The following FOXP1 variants were observed in gnomAD, a reference collection of about 807,000 sequenced individuals.
FOXP1 encodes forkhead box P1, also known as forkhead box protein P1.
In FOXP1, 15 loss-of-function variants were observed where a neutral mutation model predicts 98.2. That is an observed-to-expected ratio of 0.15 (90% CI 0.10 to 0.24). FOXP1 has a LOEUF of 0.24. FOXP1 is among the 10% of genes least tolerant of loss of function. The pLI is 1.00. For missense variants in FOXP1, 633 were observed against 848.5 expected (o/e 0.75, Z 3.15); for synonymous variants, 371 against 314.5 (o/e 1.18, Z -1.90).
intron 6 of FOXP1, among the ~76,000 whole-genome samples, chr3:71,162,593 AC>A (rs2061193478): frequency 6.6e-6 from 1 of 152,202 alleles, no homozygotes; most frequent in African/African-American, 2.4e-5. Flanking sequence ...CAAGGTCCCC[AC>A]CTTATTGGAA....
chr3:71,188,419 C>CTT (rs1218204951), intron 6 of FOXP1, among the ~76,000 whole-genome samples: 1 of 142,174 alleles, frequency 7.0e-6, no homozygotes. Context: ...TTTTTTTTTC[C>CTT]TTTTTTTTTT....
At chr3:71,066,994 C>G (rs922878718) in intron 7 of FOXP1, among the ~76,000 whole-genome samples, 2 of 152,076 alleles carry the variant, frequency 1.3e-5, no homozygotes, top group East Asian at 1.9e-4. Flanking sequence ...CTAAATTGCA[C>G]GGTGGTGGCT....
chr3:71,365,957 G>A (rs758552348), intron 3 of FOXP1, among the ~76,000 whole-genome samples: 2 of 152,138 alleles, frequency 1.3e-5, no homozygotes, highest in African/African-American at 2.4e-5. Flanking sequence ...TGGCGACAGG[G>A]CAAGACTCCA....
chr3:71,536,886 G>A (rs910006590), intron 2 of FOXP1, among the ~76,000 whole-genome samples: 9 of 152,086 alleles, frequency 5.9e-5, no homozygotes, highest in African/African-American at 2.2e-4. Context: ...TTTCCCCAGT[G>A]GCAACACATG....
intron 5 of FOXP1, among the ~76,000 whole-genome samples, chr3:71,278,607 C>T (rs143713428): frequency 1.3e-5 from 2 of 151,478 alleles, no homozygotes; most frequent in Non-Finnish European, 2.9e-5. Flanking sequence ...ATGGTGAAAC[C>T]CCATCTCTAC....
chr3:71,287,601 G>A (rs1223827040), intron 5 of FOXP1, among the ~76,000 whole-genome samples: 5 of 152,088 alleles, frequency 3.3e-5, no homozygotes, highest in Non-Finnish European at 5.9e-5. Context: ...CAAACATGGC[G>A]AAACCCTGTC....
At chr3:71,523,800 G>A (rs2043167029) in intron 2 of FOXP1, among the ~76,000 whole-genome samples, 1 of 152,142 alleles carries the variant, frequency 6.6e-6, no homozygotes, top group African/African-American at 2.4e-5. Context: ...GAATTCAGAT[G>A]TGACTGAATT....
At chr3:70,970,494 G>A in intron 19 of FOXP1, 1 of 518,038 alleles carries the variant, frequency 1.9e-6, no homozygotes, top group Non-Finnish European at 3.5e-6. Flanking sequence ...TGATACTGCT[G>A]ATAAATATTA....
chr3:71,446,080 A>C (rs906621217), intron 3 of FOXP1, among the ~76,000 whole-genome samples: 1 of 144,002 alleles, frequency 6.9e-6, no homozygotes, highest in Non-Finnish European at 1.6e-5. Context: ...TGAGTGAGTG[A>C]GTGAATGAAT....
At chr3:70,981,564 G>A (rs2038870994) in intron 14 of FOXP1, among the ~76,000 whole-genome samples, 1 of 152,190 alleles carries the variant, frequency 6.6e-6, no homozygotes, top group African/African-American at 2.4e-5. Flanking sequence ...GATGTCACTG[G>A]AATATTTTGT....
At chr3:71,064,262 T>C (rs2052023597) in intron 7 of FOXP1, among the ~76,000 whole-genome samples, 1 of 152,182 alleles carries the variant, frequency 6.6e-6, no homozygotes, top group African/African-American at 2.4e-5. Context: ...TAGACAGATA[T>C]AGAAACAAAC....
At chr3:71,446,603 T>C (rs2086467962) in intron 3 of FOXP1, among the ~76,000 whole-genome samples, 1 of 152,220 alleles carries the variant, frequency 6.6e-6, no homozygotes, top group African/African-American at 2.4e-5. Flanking sequence ...CAAAGTGTTA[T>C]TAAAACACTG....
At chr3:71,264,269 G>T (rs1299512631) in intron 5 of FOXP1, among the ~76,000 whole-genome samples, 1 of 152,088 alleles carries the variant, frequency 6.6e-6, no homozygotes, top group Non-Finnish European at 1.5e-5. Context: ...ATATCCTGAA[G>T]ACTTGCCCTG....
chr3:71,215,635 C>T (rs933871374), intron 5 of FOXP1, among the ~76,000 whole-genome samples: 1 of 150,664 alleles, frequency 6.6e-6, no homozygotes, highest in African/African-American at 2.4e-5. Context: ...TGAACGTGAA[C>T]TAACACTGAA....
At chr3:71,373,258 C>T (rs1446005139) in intron 3 of FOXP1, among the ~76,000 whole-genome samples, 1 of 152,080 alleles carries the variant, frequency 6.6e-6, no homozygotes, top group Non-Finnish European at 1.5e-5. Context: ...GCCATGGCAA[C>T]CAGGAGAGTT....
At chr3:71,455,930 CT>C (rs554588367) in intron 3 of FOXP1, among the ~76,000 whole-genome samples, 155 of 152,174 alleles carry the variant, frequency 1.0e-3, no homozygotes, top group East Asian at 5.0e-3. Flanking sequence ...TTAAAGTGTT[CT>C]TTTTTTGTGC....
chr3:71,576,234 T>C (rs925127642), intron 2 of FOXP1, among the ~76,000 whole-genome samples: 3 of 152,158 alleles, frequency 2.0e-5, no homozygotes, highest in South Asian at 2.1e-4. Context: ...TAGCAGCAGT[T>C]TGAGGAAATA....
chr3:71,174,967 G>A (rs1319998579), intron 6 of FOXP1, among the ~76,000 whole-genome samples: 3 of 151,114 alleles, frequency 2.0e-5, no homozygotes, highest in East Asian at 1.9e-4. Context: ...AGACTGGAGA[G>A]CAGCGCCATG....
At chr3:71,535,669 A>C (rs2044232009) in intron 2 of FOXP1, among the ~76,000 whole-genome samples, 1 of 152,202 alleles carries the variant, frequency 6.6e-6, no homozygotes, top group Admixed American at 6.5e-5. Context: ...GGCTGCAGTA[A>C]GCTGCAGTCG....
Sources: gnomAD v4.1 joint callset for allele counts (sites outside exome capture counted in the v4.1 genomes callset) on GRCh38, gnomAD v4.1.1 for gene constraint, MANE v1.5 for transcripts, NCBI Gene and HGNC (gene_info 2026-07-23, HGNC 2026-07-21) for gene names.